NRG3: variants seen among roughly 807,000 people sequenced by gnomAD.
NRG3 encodes neuregulin 3.
In NRG3, 31 loss-of-function variants were observed where a neutral mutation model predicts 66.9. That is an observed-to-expected ratio of 0.46 (90% CI 0.35 to 0.63). The LOEUF is 0.63. Ranked by LOEUF, NRG3 falls within the 20% of genes least tolerant of loss-of-function variation. The pLI, the probability that NRG3 is intolerant of heterozygous loss-of-function variation, is 0.00. For synonymous variants in NRG3, 393 were observed against 359.4 expected (o/e 1.09, Z -1.06); for missense variants, 910 against 878.9 (o/e 1.04, Z -0.45).
intron 1 of NRG3, among the ~76,000 whole-genome samples, chr10:82,257,777 A>G (rs1041830347): frequency 6.6e-6 from 1 of 152,130 alleles, no homozygotes; most frequent in Non-Finnish European, 1.5e-5. Context: ...AAAAAAAGAA[A>G]AAAAAATTCT....
intron 3 of NRG3, among the ~76,000 whole-genome samples, chr10:82,779,188 G>T (rs550755200): frequency 6.6e-6 from 1 of 152,252 alleles, no homozygotes; most frequent in South Asian, 2.1e-4. Context: ...AACACCCTAA[G>T]CTGGGCTTAG....
At chr10:82,647,759 G>A (rs1565163364) in intron 2 of NRG3, among the ~76,000 whole-genome samples, 1 of 152,068 alleles carries the variant, frequency 6.6e-6, no homozygotes, top group East Asian at 1.9e-4. Context: ...GGCCAGTGAT[G>A]GTGAGCATTT....
intron 2 of NRG3, among the ~76,000 whole-genome samples, chr10:82,545,967 C>T (rs2132819470): frequency 6.6e-6 from 1 of 150,834 alleles, no homozygotes; most frequent in South Asian, 2.1e-4. Context: ...TCAGTAGAGA[C>T]CGGGTGTTAG....
At chr10:82,900,924 TA>T (rs1844158615) in intron 4 of NRG3, among the ~76,000 whole-genome samples, 1 of 152,202 alleles carries the variant, frequency 6.6e-6, no homozygotes, top group Non-Finnish European at 1.5e-5. Flanking sequence ...TTGGTCCTGC[TA>T]AGCAGTATAA....
chr10:82,175,771 T>A (rs899770307), intron 1 of NRG3, among the ~76,000 whole-genome samples: 1 of 152,198 alleles, frequency 6.6e-6, no homozygotes, highest in African/African-American at 2.4e-5. Context: ...AATCTGTGCA[T>A]AGAATTATTG....
chr10:82,838,622 AT>A (rs552394660), intron 3 of NRG3, among the ~76,000 whole-genome samples: 42 of 151,706 alleles, frequency 2.8e-4, no homozygotes, highest in South Asian at 2.1e-3. Context: ...CTTTATATGA[AT>A]TTTTTTAAAG....
intron 3 of NRG3, among the ~76,000 whole-genome samples, chr10:82,784,828 C>T (rs2060276261): frequency 1.3e-5 from 2 of 151,958 alleles, no homozygotes; most frequent in African/African-American, 2.4e-5. Flanking sequence ...CTGGAAATAC[C>T]ATTTGACCCA....
chr10:82,258,785 T>A (rs1042925424), intron 1 of NRG3, among the ~76,000 whole-genome samples: 1 of 152,154 alleles, frequency 6.6e-6, no homozygotes, highest in Non-Finnish European at 1.5e-5. Context: ...AGGTTGGAGG[T>A]GTGAAATGCC....
chr10:82,478,068 T>C (rs1261887439), intron 2 of NRG3, among the ~76,000 whole-genome samples: 1 of 152,154 alleles, frequency 6.6e-6, no homozygotes, highest in African/African-American at 2.4e-5. Context: ...CTGAAAGTAA[T>C]AACATGAATC....
intron 2 of NRG3, among the ~76,000 whole-genome samples, chr10:82,666,070 C>T (rs2052754848): frequency 6.6e-6 from 1 of 152,182 alleles, no homozygotes; most frequent in Non-Finnish European, 1.5e-5. Flanking sequence ...CCAGGCTGGT[C>T]AGGCTGGTCT....
chr10:81,940,444 C>G (rs1380649509), intron 1 of NRG3, among the ~76,000 whole-genome samples: 2 of 152,086 alleles, frequency 1.3e-5, no homozygotes, highest in Non-Finnish European at 2.9e-5. Context: ...CTGCTAGGCT[C>G]AAACTATCCT....
intron 2 of NRG3, among the ~76,000 whole-genome samples, chr10:82,736,209 A>C (rs182627644): frequency 6.6e-6 from 1 of 152,222 alleles, no homozygotes. Context: ...TGCTTGACAC[A>C]CTATCAGAAG....
chr10:82,646,213 G>C (rs1294039360), intron 2 of NRG3, among the ~76,000 whole-genome samples: 1 of 152,222 alleles, frequency 6.6e-6, no homozygotes, highest in Non-Finnish European at 1.5e-5. Context: ...CAAAAGTAGT[G>C]GGGGTGGGGT....
chr10:82,450,384 T>C (rs1161568503), intron 2 of NRG3, among the ~76,000 whole-genome samples: 1 of 152,142 alleles, frequency 6.6e-6, no homozygotes, highest in Non-Finnish European at 1.5e-5. Context: ...TGGCTAATCT[T>C]CTAGCAAGTC....
intron 2 of NRG3, among the ~76,000 whole-genome samples, chr10:82,427,260 T>A (rs1418462809): frequency 6.6e-6 from 1 of 152,186 alleles, no homozygotes; most frequent in Non-Finnish European, 1.5e-5. Context: ...TGTCTGTTTT[T>A]TATTTTAGGG....
At chr10:82,865,244 T>C (rs1177335771) in intron 3 of NRG3, among the ~76,000 whole-genome samples, 167 bp from the exon 4 acceptor site, 1 of 152,164 alleles carries the variant, frequency 6.6e-6, no homozygotes, top group East Asian at 1.9e-4. Flanking sequence ...AACTCTACTG[T>C]TGGTGATCTG....
At chr10:82,585,070 C>G (rs551249264) in intron 2 of NRG3, among the ~76,000 whole-genome samples, 1 of 151,656 alleles carries the variant, frequency 6.6e-6, no homozygotes, top group Non-Finnish European at 1.5e-5. Context: ...AAAAATGCGT[C>G]GAAGACTGCA....
chr10:82,905,504 T>C (rs1309642420), intron 4 of NRG3, among the ~76,000 whole-genome samples: 1 of 152,298 alleles, frequency 6.6e-6, no homozygotes, highest in East Asian at 1.9e-4. Context: ...TTTCACTGTT[T>C]TGTTGTTTCA....
chr10:82,433,341 G>A (rs1034388933), intron 2 of NRG3, among the ~76,000 whole-genome samples: 1 of 151,972 alleles, frequency 6.6e-6, no homozygotes, highest in Non-Finnish European at 1.5e-5. Context: ...ATATGTTTAA[G>A]TTCCTTGTAA....
Sources: gnomAD v4.1 joint callset for allele counts (sites outside exome capture counted in the v4.1 genomes callset) on GRCh38, gnomAD v4.1.1 for gene constraint, MANE v1.5 for transcripts, NCBI Gene and HGNC (gene_info 2026-07-23, HGNC 2026-07-21) for gene names.